The following CAMKK2 variants were observed in gnomAD, a reference collection of about 807,000 sequenced individuals.
The protein encoded by CAMKK2 is calcium/calmodulin-dependent protein kinase kinase 2.
Under a neutral mutation model 67.2 loss-of-function variants are expected in CAMKK2, and 30 were observed. The ratio of observed to expected loss-of-function variants is 0.45; its 90% CI spans 0.33 to 0.61. CAMKK2 has a LOEUF of 0.61. CAMKK2 is among the 20% of genes least tolerant of loss of function. The pLI, the probability that CAMKK2 is intolerant of heterozygous loss-of-function variation, is 0.02. For synonymous variants in CAMKK2, 322 were observed against 326.2 expected, an observed-to-expected ratio of 0.99 and a Z score of 0.14; for missense variants, 643 against 802.0, an observed-to-expected ratio of 0.80 and a Z score of 2.39.
intron 1 of CAMKK2, among the ~76,000 whole-genome samples, chr12:121,282,831 T>C (rs1379510376): frequency 6.6e-6 from 1 of 152,186 alleles, no homozygotes; most frequent in Middle Eastern, 3.2e-3. Context: ...TTCGGCTTAC[T>C]GCAACCTCCG....
intron 1 of CAMKK2, among the ~76,000 whole-genome samples, chr12:121,279,753 C>T (rs1178682522): frequency 6.6e-6 from 1 of 152,254 alleles, no homozygotes; most frequent in African/African-American, 2.4e-5. Context: ...CTACCCTGTT[C>T]CCTCTCACAG....
At chr12:121,264,007 G>T in intron 5 of CAMKK2, 68 bp from the exon 6 acceptor site, 2 of 1,422,388 alleles carry the variant, frequency 1.4e-6, no homozygotes. Flanking sequence ...GCAGCTGCAG[G>T]TGGGATGCCA....
rs1892153695 is a variant in CAMKK2 at position 121,255,767 on chromosome 12, G to A, written c.818+16C>T. 1 of 1,613,192 alleles carries A rather than the reference G, an allele frequency of 6.2e-7. No individual in the cohort carries two copies. Among genetic ancestry groups the A allele is most frequent in the Admixed American group, 1.7e-5 (1 of 59,954 alleles). ...AAGCTTCTTGCATCACCCCTGCTGG[G>A]AGCTGGGACACTCACCCTTGGTTGA... On this transcript the variant is annotated intron_variant, in intron 8 of 16. Transcript: ENST00000404169.
At chr12:121,294,433 A>G (rs1900730130) in intron 1 of CAMKK2, among the ~76,000 whole-genome samples, 1 of 152,216 alleles carries the variant, frequency 6.6e-6, no homozygotes, top group Non-Finnish European at 1.5e-5. Flanking sequence ...ATTAGTGACT[A>G]TATTTAGCTA....
At position 121,245,213 on chromosome 12, in the gene CAMKK2, G is replaced by A. The variant is rs369888217; in HGVS notation, c.1480C>T (p.Arg494Cys). The change falls in exon 15 of 17, where the codon CGC (arginine) becomes TGC (cysteine). Residue 494 changes from arginine (R) to cysteine (C), a missense_variant. Arg to Cys is a radical substitution (Grantham distance 180, BLOSUM62 -3). This residue lies in a region of CAMKK2 where 20 missense variants were observed against 52.0 expected (regional missense o/e 0.38). Transcript: ENST00000404169. This position sits in a 1 kb window ranked among gnomAD's most constrained non-coding sequence, Gnocchi z 5.8. ...CCCTCGAATGGGTTCCCAAAGGAGC[G>A]TTTACGTATCATGGTCTTCACCAGG... Reference protein sequence around the residue: ...VILVKTMIRKRSFGNPFEGSR... With the variant: ...VILVKTMIRKCSFGNPFEGSR... 3.4e-5 allele frequency: 55 copies of A among 1,607,414 alleles called. No individual in the cohort carries two copies. The highest frequency in any genetic ancestry group is 2.7e-4 in the Admixed American group (16 of 59,410).
At chr12:121,268,542 G>T in intron 5 of CAMKK2, 96 bp downstream of exon 5, 1 of 1,145,396 alleles carries the variant, frequency 8.7e-7, no homozygotes, top group Non-Finnish European at 1.3e-6. Context: ...CTACAGGCAT[G>T]TGGCACCATG....
chr12:121,293,042 G>C, intron 1 of CAMKK2, among the ~76,000 whole-genome samples: 1 of 152,044 alleles, frequency 6.6e-6, no homozygotes, highest in South Asian at 2.1e-4. Flanking sequence ...TTGGGAGGCC[G>C]AGGCAGGCGG....
chr12:121,266,822 C>G (rs1894645005), intron 5 of CAMKK2, among the ~76,000 whole-genome samples: 1 of 151,758 alleles, frequency 6.6e-6, no homozygotes, highest in Admixed American at 6.6e-5. Context: ...TCTTTTTGGC[C>G]CAAGCTGACA....
At position 121,253,346 on chromosome 12, in the gene CAMKK2, G is replaced by A. The variant is rs1441968844; in HGVS notation, c.1034C>T (p.Ser345Phe). ...NEFKGSDALL[S>F]NTVGTPAFMA... ...GAAGGCGGGCGTGCCCACGGTGTTG[G>A]AGAGGAGCGCGTCACTGCCCTTGAA... Residue 345 changes from serine to phenylalanine, a missense_variant, in exon 10 of 17, where the codon TCC becomes TTC. Physicochemically the swap from Ser to Phe is radical, Grantham distance 155. Coordinates refer to ENST00000404169, the MANE Select transcript of CAMKK2 (RefSeq NM_001270485.2). This position sits in a 1 kb window ranked among gnomAD's most constrained non-coding sequence, Gnocchi z 5.0. 7 of 1,614,212 alleles carry A rather than the reference G, an allele frequency of 4.3e-6. No homozygotes were observed. Among genetic ancestry groups the A allele is most frequent in the Non-Finnish European group, 5.9e-6 (7 of 1,180,028 alleles).
chr12:121,244,724 A>G, intron 15 of CAMKK2, 109 bp from the exon 16 acceptor site: 3 of 875,022 alleles, frequency 3.4e-6, no homozygotes, highest in Non-Finnish European at 5.3e-6. Context: ...CCAGCTTCAT[A>G]GAGCTGGAGC....
At position 121,285,852 on chromosome 12, in the gene CAMKK2, G is replaced by A. The variant is rs1361271139; in HGVS notation, c.-60+10786C>T. Among the ~76,000 whole-genome samples the A allele has an allele frequency of 6.6e-6, 1 of 152,130 alleles. No individual in the cohort carries two copies. Among genetic ancestry groups the A allele is most frequent in the African/African-American group, 2.4e-5 (1 of 41,432 alleles). On this transcript the variant is annotated intron_variant, in intron 1 of 16. Transcript: ENST00000404169. The surrounding 1 kb of genome is among the most constrained non-coding windows in gnomAD (Gnocchi z 4.1). ...TGTGTGACCCAAGTCAGTCTATTGG[G>A]TCTTATTCTGTGATTTTGTGGAAGT...
At chr12:121,280,798 T>C (rs1293982779) in intron 1 of CAMKK2, among the ~76,000 whole-genome samples, 1 of 152,174 alleles carries the variant, frequency 6.6e-6, no homozygotes, top group East Asian at 1.9e-4. Context: ...CTGATAAATT[T>C]TGGTCAGACC....
In CAMKK2 at chr12:121,248,717, C is replaced by G; in HGVS notation, c.1341G>C (p.Thr447=). ...ACGGCAACGGCTCCGCCCCATGCCT[C>G]GTGACCCAGGGGTGCAGCTTCAACG... ...VPEIKLHPWV[T]RHGAEPLPSE... is the part of the protein sequence containing the mutation. Residue 447 remains threonine, a synonymous_variant, in exon 14 of 17, where the codon ACG becomes ACC. Transcript: ENST00000404169. The G allele has an allele frequency of 6.2e-7, 1 of 1,614,120 alleles. No homozygotes were observed.
intron 9 of CAMKK2, among the ~76,000 whole-genome samples, chr12:121,254,182 G>A (rs1891369255): frequency 6.6e-6 from 1 of 152,192 alleles, no homozygotes; most frequent in African/African-American, 2.4e-5. Context: ...GTGGTGGCCG[G>A]GCACGGTGGC....
chr12:121,276,760 C>T (rs1896887944), intron 1 of CAMKK2, among the ~76,000 whole-genome samples: 1 of 151,880 alleles, frequency 6.6e-6, no homozygotes, highest in African/African-American at 2.4e-5. Context: ...GTGGCTCATG[C>T]CTATAATCCT....
intron 1 of CAMKK2, among the ~76,000 whole-genome samples, chr12:121,284,319 ATTTTT>A (rs370777666): frequency 4.6e-4 from 70 of 152,170 alleles, no homozygotes; most frequent in African/African-American, 1.6e-3. Context: ...GTTTATTTTT[ATTTTT>A]ATTTATTTAC....
At chr12:121,265,179 T>C (rs1894282157) in intron 5 of CAMKK2, among the ~76,000 whole-genome samples, 1 of 152,046 alleles carries the variant, frequency 6.6e-6, no homozygotes, top group African/African-American at 2.4e-5. Context: ...ACACATCCCA[T>C]GTAAGTAAGG....
Position 121,255,618 on chromosome 12 carries a change from G to A in CAMKK2, c.839C>T (p.Thr280Ile), listed in dbSNP as rs1407341397. The change falls in exon 9 of 17, where the codon ACC becomes ATC. Residue 280 changes from threonine (T) to isoleucine (I), a missense_variant. Physicochemically the swap from Thr to Ile is moderately conservative, Grantham distance 89 (BLOSUM62 -1). Coordinates refer to ENST00000404169, the MANE Select transcript of CAMKK2 (RefSeq NM_001270485.2). ...CTGGTCTTCAGAGAGTGGTTTGAGG[G>A]TGGGCACTTCCATCACGGGCCTGAA... ...VNQGPVMEVPTLKPLSEDQAR... is the reference protein window; with the variant it reads ...VNQGPVMEVPILKPLSEDQAR... 6.2e-7 allele frequency: 1 copy of A among 1,612,976 alleles called. No individual in the cohort carries two copies. Among genetic ancestry groups the A allele is most frequent in the South Asian group, 1.1e-5 (1 of 90,914 alleles).
Position 121,253,117 on chromosome 12 carries a change from G to C in CAMKK2, c.1107+156C>G, listed in dbSNP as rs1189853168. On this transcript the variant is annotated intron_variant, in intron 10 of 16. Coordinates refer to ENST00000404169, the MANE Select transcript of CAMKK2 (RefSeq NM_001270485.2). The surrounding 1 kb of genome is among the most constrained non-coding windows in gnomAD (Gnocchi z 5.0). ...AGATGGCGGGAGATGGTTTCTGTTT[G>C]AGTCCCTGGATCTAGCCAAGCCTGA... is the stretch of plus-strand genomic sequence containing the variant. 1 of 654,936 alleles carries C rather than the reference G, an allele frequency of 1.5e-6. No individual in the cohort carries two copies. Among genetic ancestry groups the C allele is most frequent in the East Asian group, 2.7e-5 (1 of 36,582 alleles). The allele number at this position is 654,936 out of a possible 1,614,324, so 40.6% of individuals were successfully genotyped here. A position where few individuals can be genotyped will look rare whatever the true frequency, so the allele number is the denominator to read the frequency against.
Sources: gnomAD v4.1 joint callset for allele counts (sites outside exome capture counted in the v4.1 genomes callset) on GRCh38, gnomAD v4.1.1 for gene constraint, gnomAD v4.1.1 regional missense constraint, Gnocchi (gnomAD v3.1) non-coding constraint, MANE v1.5 for transcripts, NCBI Gene and HGNC (gene_info 2026-07-23, HGNC 2026-07-21) for gene names.